The following HSD17B12 variants were observed in gnomAD, a reference collection of about 807,000 sequenced individuals.
HSD17B12 encodes the protein hydroxysteroid 17-beta dehydrogenase 12, also known as very-long-chain 3-oxoacyl-CoA reductase.
In HSD17B12, 32 loss-of-function variants were observed where a neutral mutation model predicts 39.3. The observed-to-expected ratio is 0.81, with a 90% confidence interval of 0.61 to 1.09. The LOEUF is 1.09. Ranked by LOEUF, HSD17B12 falls within the 50% of genes least tolerant of loss-of-function variation. HSD17B12 has a pLI of 0.00. For synonymous variants in HSD17B12, 150 were observed against 146.7 expected, an observed-to-expected ratio of 1.02 and a Z score of -0.16; for missense variants, 342 against 382.9, an observed-to-expected ratio of 0.89 and a Z score of 0.89.
At chr11:43,621,467 C>G in the HSD17B12 span, among the ~76,000 whole-genome samples, 2 of 152,162 alleles carry the variant, frequency 1.3e-5, no homozygotes, top group African/African-American at 4.8e-5. Context: ...GTAATCTCAG[C>G]ACTTTGGGAG....
intron 1 of HSD17B12, among the ~76,000 whole-genome samples, chr11:43,720,857 C>A (rs1003303611): frequency 3.9e-5 from 6 of 151,942 alleles, no homozygotes; most frequent in Non-Finnish European, 7.4e-5. Flanking sequence ...TGAAAAAAAA[C>A]CAACATAATT....
intron 7 of HSD17B12, chr11:43,833,583 A>G (rs1234304047): frequency 6.6e-6 from 1 of 152,272 alleles, no homozygotes; most frequent in East Asian, 1.9e-4. Flanking sequence ...ATTCCAAGTT[A>G]GCAGATCATA....
intron 3 of HSD17B12, among the ~76,000 whole-genome samples, chr11:43,759,081 A>G (rs1426280612): frequency 1.3e-5 from 2 of 152,080 alleles, no homozygotes; most frequent in Non-Finnish European, 2.9e-5. Context: ...ATTTAAACTC[A>G]CTCCAATGGG....
intron 1 of HSD17B12, among the ~76,000 whole-genome samples, chr11:43,697,561 T>C (rs1330592716): frequency 1.3e-5 from 2 of 152,156 alleles, no homozygotes; most frequent in Non-Finnish European, 2.9e-5. Context: ...CAAAGTCACA[T>C]AGTAAGTGGA....
chr11:43,560,898 G>C, the HSD17B12 span, among the ~76,000 whole-genome samples: 1 of 152,064 alleles, frequency 6.6e-6, no homozygotes, highest in East Asian at 1.9e-4. Flanking sequence ...ATCTTCCTTC[G>C]TCAAGCGAAT....
intron 3 of HSD17B12, among the ~76,000 whole-genome samples, chr11:43,761,898 C>T (rs577247292): frequency 1.1e-4 from 17 of 152,042 alleles, no homozygotes; most frequent in Non-Finnish European, 2.2e-4. Flanking sequence ...AGTCATGAAT[C>T]TGCCCAGATT....
At chr11:43,755,413 A>T (rs1341130782) in intron 3 of HSD17B12, 1 of 152,356 alleles carries the variant, frequency 6.6e-6, no homozygotes, top group Non-Finnish European at 1.5e-5. Flanking sequence ...TGCAAGAAAG[A>T]CTGGAATTCA....
At chr11:43,663,172 T>C in the HSD17B12 span, among the ~76,000 whole-genome samples, 1 of 152,202 alleles carries the variant, frequency 6.6e-6, no homozygotes, top group Non-Finnish European at 1.5e-5. Flanking sequence ...AACCTCCGCC[T>C]CCCTGCAACC....
At chr11:43,614,910 A>G in the HSD17B12 span, among the ~76,000 whole-genome samples, 2 of 152,044 alleles carry the variant, frequency 1.3e-5, no homozygotes, top group South Asian at 2.1e-4. Flanking sequence ...AAGTCCTTAA[A>G]TACTAATTCC....
chr11:43,691,732 G>A (rs1406314381), intron 1 of HSD17B12, among the ~76,000 whole-genome samples: 1 of 152,168 alleles, frequency 6.6e-6, no homozygotes, highest in East Asian at 1.9e-4. Context: ...CCTTGTGTCT[G>A]TTTCTGATGT....
chr11:43,629,635 C>A, the HSD17B12 span, among the ~76,000 whole-genome samples: 1 of 152,158 alleles, frequency 6.6e-6, no homozygotes, highest in Non-Finnish European at 1.5e-5. Flanking sequence ...AGTACTTGGA[C>A]CACAGGCTCA....
At chr11:43,670,035 A>C in the HSD17B12 span, among the ~76,000 whole-genome samples, 1 of 152,244 alleles carries the variant, frequency 6.6e-6, no homozygotes, top group Non-Finnish European at 1.5e-5. Flanking sequence ...CTGAAAGAGA[A>C]GTTGAACTGC....
the HSD17B12 span, among the ~76,000 whole-genome samples, chr11:43,662,235 G>A: frequency 7.0e-6 from 1 of 143,116 alleles, no homozygotes; most frequent in South Asian, 2.2e-4. Flanking sequence ...GTTTCAATCT[G>A]TCACCTAGGC....
Position 43,831,734 on chromosome 11 carries a change from G to C in HSD17B12, c.536+724G>C, listed in dbSNP as rs1388148024. ...AGCTCGATCATTTGCTGAATTTAGG[G>C]CATCGTAGTCATCTTTTTTTCTGCA... On this transcript the variant is annotated intron_variant, in intron 7 of 10. Coordinates refer to ENST00000278353, the MANE Select transcript of HSD17B12 (RefSeq NM_016142.3). The surrounding 1 kb of genome is among the most constrained non-coding windows in gnomAD (Gnocchi z 4.1). 9 of 152,206 alleles carry C rather than the reference G, an allele frequency of 5.9e-5. No homozygotes were observed. The allele number at this position is 152,206 out of a possible 1,614,324, so 9.4% of individuals were successfully genotyped here.
chr11:43,571,712 A>C, the HSD17B12 span, among the ~76,000 whole-genome samples: 2 of 152,210 alleles, frequency 1.3e-5, no homozygotes, highest in Admixed American at 6.5e-5. Context: ...GCAACCAAAA[A>C]AAAAGGGGGA....
At chr11:43,581,240 A>G in the HSD17B12 span, among the ~76,000 whole-genome samples, 1 of 151,768 alleles carries the variant, frequency 6.6e-6, no homozygotes. The surrounding 1 kb of genome is among the most constrained non-coding windows in gnomAD (Gnocchi z 4.9). Context: ...AGAAATGGAG[A>G]CACGAGTCCA....
At position 43,733,181 on chromosome 11, in the gene HSD17B12, T is replaced by G. The variant is rs115293841; in HGVS notation, c.161-17730T>G. Among the ~76,000 whole-genome samples the G allele has an allele frequency of 1.8e-3, 280 of 152,386 alleles. 2 individuals are homozygous for G. Among genetic ancestry groups the G allele is most frequent in the African/African-American group, 6.4e-3 (267 of 41,594 alleles). On this transcript the variant is annotated intron_variant, in intron 1 of 10. Transcript: ENST00000278353. ...GTATTTGTGTGTGCACAGTGCATTA[T>G]TGCTGAATGCGTCTGTTATAGGTAG...
At chr11:43,622,680 G>T in the HSD17B12 span, among the ~76,000 whole-genome samples, 3 of 151,744 alleles carry the variant, frequency 2.0e-5, no homozygotes, top group African/African-American at 4.8e-5. Context: ...CAATTTTTTG[G>T]AAAGATGATA....
the HSD17B12 span, among the ~76,000 whole-genome samples, chr11:43,563,006 T>G: frequency 7.2e-5 from 11 of 152,162 alleles, no homozygotes; most frequent in Non-Finnish European, 1.5e-4. Flanking sequence ...ATGTTCCAAG[T>G]CCTCCTTGAA....
Sources: allele counts gnomAD v4.1 joint callset (sites outside exome capture counted in the v4.1 genomes callset), GRCh38; gene constraint gnomAD v4.1.1; non-coding constraint Gnocchi (gnomAD v3.1); transcripts MANE v1.5; gene names NCBI Gene and HGNC (gene_info 2026-07-23, HGNC 2026-07-21).